The following SFTPD variants were observed in gnomAD, a reference collection of about 807,000 sequenced individuals.
SFTPD encodes the protein pulmonary surfactant-associated protein D.
Under a neutral mutation model 34.6 loss-of-function variants are expected in SFTPD, and 18 were observed. That is an observed-to-expected ratio of 0.52 (90% CI 0.36 to 0.77). The LOEUF (loss-of-function observed/expected upper bound fraction) is 0.77, where lower values mean the gene tolerates loss of function less well. Among genes scored for constraint, SFTPD ranks in the 30% least tolerant of loss-of-function variants. The pLI is 0.00. For missense variants in SFTPD, 433 were observed against 468.9 expected (o/e 0.92, Z 0.71); for synonymous variants, 155 against 180.9 (o/e 0.86, Z 1.15).
intron 1 of SFTPD, among the ~76,000 whole-genome samples, chr10:79,961,735 G>C (rs1026682186): frequency 9.8e-4 from 150 of 152,306 alleles, no homozygotes; most frequent in Middle Eastern, 3.4e-3. Flanking sequence ...AGTCAGTGTG[G>C]TGATTCCTCA....
chr10:79,954,965 T>C (rs886802088), intron 1 of SFTPD, among the ~76,000 whole-genome samples: 1 of 152,116 alleles, frequency 6.6e-6, no homozygotes, highest in African/African-American at 2.4e-5. Flanking sequence ...ATCACAGCTA[T>C]AGCTCATTCA....
intron 1 of SFTPD, among the ~76,000 whole-genome samples, chr10:79,961,798 A>G (rs1842774639): frequency 6.6e-6 from 1 of 152,136 alleles, no homozygotes; most frequent in Admixed American, 6.5e-5. Flanking sequence ...TACTGGGTAT[A>G]TACCCAAAGG....
At chr10:79,963,948 C>T (rs1048964223) in intron 1 of SFTPD, among the ~76,000 whole-genome samples, 3 of 152,052 alleles carry the variant, frequency 2.0e-5, no homozygotes, top group African/African-American at 7.2e-5. Context: ...TCGATTTCCC[C>T]ATATTTCCTT....
intron 1 of SFTPD, 102 bp from the exon 2 acceptor site, chr10:79,946,764 CCTT>C: frequency 2.9e-6 from 3 of 1,043,976 alleles, no homozygotes; most frequent in Non-Finnish European, 4.3e-6. Flanking sequence ...CCCATTCCCT[CCTT>C]CTGTCCTCTG....
chr10:79,950,413 A>G (rs563442861), upstream of SFTPD: 2 of 152,326 alleles, frequency 1.3e-5, no homozygotes, highest in African/African-American at 4.8e-5. Flanking sequence ...TTGTATGGGA[A>G]AAACTTTATT....
chr10:79,973,137 G>A (rs1208063391), intron 1 of SFTPD: 1 of 152,122 alleles, frequency 6.6e-6, no homozygotes, highest in Non-Finnish European at 1.5e-5. Context: ...TTCCCACTTT[G>A]TTAGCATTTT....
upstream of SFTPD, among the ~76,000 whole-genome samples, chr10:79,949,797 G>T (rs1009254749): frequency 4.0e-5 from 6 of 151,662 alleles, no homozygotes; most frequent in Non-Finnish European, 7.4e-5. Context: ...CACTGTTCTT[G>T]TAACTAGTTA....
chr10:79,981,732 C>T (rs1165389936), intron 1 of SFTPD: 1 of 156,114 alleles, frequency 6.4e-6, no homozygotes, highest in East Asian at 1.9e-4. Context: ...ACTCAGCCGC[C>T]AGCAGCCCTG....
Position 79,938,017 on chromosome 10 carries a change from C to G in SFTPD, c.963G>C (p.Glu321Asp), listed in dbSNP as rs1469020571. The G allele has an allele frequency of 8.1e-6, 13 of 1,613,948 alleles. No individual in the cohort carries two copies. In the East Asian group the frequency reaches 1.1e-4, roughly 14 times the overall value. ...AFLSMTDSKT[E>D]GKFTYPTGES... ...CTCCTGTGGGGTAGGTGAACTTGCC[C>G]TCTGTCTTGGAATCAGTCATGCTCA... The change falls in exon 8 of 8, where the codon GAG becomes GAC. Residue 321 changes from glutamate to aspartate, a missense_variant. Physicochemically the swap from Glu to Asp is conservative, Grantham distance 45. Transcript: ENST00000372292.
chr10:79,980,733 G>A lies in SFTPD; in HGVS notation c.36+1842C>T, dbSNP rs556413945. Reference sequence around the variant, plus strand: ...AAGACCACTAAGGTGATACTTTTATGGGTCTGCAAGAGTCACAGCATTACT... The same window carrying A: ...AAGACCACTAAGGTGATACTTTTATAGGTCTGCAAGAGTCACAGCATTACT... On this transcript the variant is annotated intron_variant, in intron 1 of 5. Coordinates refer to the SFTPD transcript ENST00000444384. 3.6e-4 allele frequency among the ~76,000 whole-genome samples: 55 copies of A among 152,350 alleles called. No individual in the cohort carries two copies. In the South Asian group the frequency reaches 0.011, roughly 29 times the overall value.
chr10:79,943,207 A>G (rs1489984913), intron 2 of SFTPD, among the ~76,000 whole-genome samples: 1 of 151,786 alleles, frequency 6.6e-6, no homozygotes, highest in Non-Finnish European at 1.5e-5. Context: ...CTTGCATTCC[A>G]TATATATATA....
chr10:79,958,361 G>A (rs923062227), intron 1 of SFTPD, among the ~76,000 whole-genome samples: 1 of 152,150 alleles, frequency 6.6e-6, no homozygotes, highest in East Asian at 1.9e-4. Flanking sequence ...CTGGCAAATT[G>A]GATAAAGAGT....
chr10:79,959,711 G>C (rs1175797912), intron 1 of SFTPD, among the ~76,000 whole-genome samples: 1 of 152,168 alleles, frequency 6.6e-6, no homozygotes, highest in East Asian at 1.9e-4. Flanking sequence ...AATTCTACCA[G>C]AGGTACAAGG....
intron 4 of SFTPD, 152 bp from the exon 5 acceptor site, chr10:79,942,222 G>A (rs955041783): frequency 4.0e-6 from 3 of 748,556 alleles, no homozygotes; most frequent in Admixed American, 2.3e-5. Context: ...TGTGGAGGGT[G>A]AGAGGAAAAT....
chr10:79,974,648 T>TCTC (rs979678246), intron 1 of SFTPD, among the ~76,000 whole-genome samples: 50 of 152,374 alleles, frequency 3.3e-4, no homozygotes, highest in African/African-American at 1.2e-3. Flanking sequence ...ATAAAGTGTA[T>TCTC]CTCTCTGTGT....
intron 1 of SFTPD, among the ~76,000 whole-genome samples, chr10:79,981,005 G>T (rs907023220): frequency 4.6e-5 from 7 of 152,300 alleles, no homozygotes; most frequent in African/African-American, 1.7e-4. Context: ...CAACTCCAGA[G>T]TTAGAGAGAT....
At chr10:79,956,695 G>T (rs564177965) in intron 1 of SFTPD, among the ~76,000 whole-genome samples, 1 of 152,236 alleles carries the variant, frequency 6.6e-6, no homozygotes, top group East Asian at 1.9e-4. Flanking sequence ...AAGGAGGCCT[G>T]CCTGCCTCTG....
At chr10:79,946,338 G>C (rs1035392060) in intron 2 of SFTPD, 123 bp downstream of exon 2, 1 of 751,066 alleles carries the variant, frequency 1.3e-6, no homozygotes, top group Admixed American at 2.1e-5. Context: ...TGTGGAACTC[G>C]CCTTCTTGGG....
chr10:79,982,139 G>A (rs563279058), intron 1 of SFTPD: 3 of 357,504 alleles, frequency 8.4e-6, no homozygotes, highest in East Asian at 1.1e-4. Flanking sequence ...CTGGCTCTCC[G>A]GGCGCGCCTG....
Sources: gnomAD v4.1 joint callset for allele counts (sites outside exome capture counted in the v4.1 genomes callset) on GRCh38, gnomAD v4.1.1 for gene constraint, MANE v1.5 for transcripts, NCBI Gene and HGNC (gene_info 2026-07-23, HGNC 2026-07-21) for gene names.